The following COMMD1 variants were observed in gnomAD, a reference collection of about 807,000 sequenced individuals.
The protein encoded by COMMD1 is copper metabolism domain containing 1.
Under a neutral mutation model 17.2 loss-of-function variants are expected in COMMD1, and 10 were observed. The observed-to-expected ratio is 0.58, with a 90% confidence interval of 0.36 to 0.99. The LOEUF (loss-of-function observed/expected upper bound fraction) is 0.99, where lower values mean the gene tolerates loss of function less well. COMMD1 is among the 50% of genes least tolerant of loss of function. The probability of loss-of-function intolerance (pLI) is 0.01; values close to 1 mark genes in which losing one functional copy is unlikely to be tolerated. For missense variants in COMMD1, 270 were observed against 231.8 expected (o/e 1.17, Z -1.07); for synonymous variants, 97 against 91.6 (o/e 1.06, Z -0.34).
intron 2 of COMMD1, among the ~76,000 whole-genome samples, chr2:62,024,853 C>G (rs1429794788): frequency 1.3e-5 from 2 of 152,126 alleles, no homozygotes; most frequent in Non-Finnish European, 2.9e-5. Flanking sequence ...TTACAAGAAG[C>G]AGTCATTAAT....
At chr2:62,059,800 A>G (rs558385288) in intron 2 of COMMD1, among the ~76,000 whole-genome samples, 1 of 152,266 alleles carries the variant, frequency 6.6e-6, no homozygotes, top group East Asian at 1.9e-4. Flanking sequence ...AAGTGCATCT[A>G]TTGTAGATAG....
chr2:62,088,240 C>A (rs1671724022), intron 2 of COMMD1, among the ~76,000 whole-genome samples: 2 of 152,158 alleles, frequency 1.3e-5, no homozygotes, highest in Non-Finnish European at 2.9e-5. Flanking sequence ...TGGACTTTCA[C>A]TTGAAAATCG....
At chr2:61,989,205 A>G (rs1056933120) in intron 1 of COMMD1, among the ~76,000 whole-genome samples, 1 of 152,136 alleles carries the variant, frequency 6.6e-6, no homozygotes, top group Non-Finnish European at 1.5e-5. Flanking sequence ...CTGTTTGGCC[A>G]TCTTGCTCTG....
upstream of COMMD1, among the ~76,000 whole-genome samples, chr2:61,900,886 A>G (rs987959822): frequency 5.3e-5 from 8 of 152,190 alleles, no homozygotes; most frequent in African/African-American, 1.9e-4. Flanking sequence ...TAGTAATATC[A>G]AAAAGTTTAA....
chr2:61,989,636 T>C (rs1259771664), intron 1 of COMMD1, among the ~76,000 whole-genome samples: 1 of 151,940 alleles, frequency 6.6e-6, no homozygotes, highest in Non-Finnish European at 1.5e-5. Context: ...ATTTTTTGTG[T>C]GTTTTTTTAA....
intron 1 of COMMD1, among the ~76,000 whole-genome samples, chr2:61,940,998 C>G (rs1405468334): frequency 6.7e-6 from 1 of 150,174 alleles, no homozygotes; most frequent in Admixed American, 6.7e-5. Context: ...GGGGTGAATT[C>G]TTTCGCTCCC....
chr2:62,027,777 G>A (rs1669805047), intron 2 of COMMD1, among the ~76,000 whole-genome samples: 1 of 151,954 alleles, frequency 6.6e-6, no homozygotes, highest in African/African-American at 2.4e-5. Flanking sequence ...TGGCTCAAGC[G>A]ATCCTCCCAC....
intron 2 of COMMD1, among the ~76,000 whole-genome samples, chr2:62,084,346 T>C (rs762082289): frequency 7.9e-5 from 12 of 152,228 alleles, no homozygotes; most frequent in Non-Finnish European, 1.6e-4. Context: ...TTTTATGTAT[T>C]ATGTATTATA....
At chr2:62,066,565 C>T (rs1433893112) in intron 2 of COMMD1, among the ~76,000 whole-genome samples, 1 of 150,894 alleles carries the variant, frequency 6.6e-6, no homozygotes, top group African/African-American at 2.4e-5. Context: ...CCATGCCTGG[C>T]TAATTTTTTG....
At chr2:62,067,932 G>A (rs1671099234) in intron 2 of COMMD1, among the ~76,000 whole-genome samples, 1 of 152,090 alleles carries the variant, frequency 6.6e-6, no homozygotes, top group Non-Finnish European at 1.5e-5. Context: ...TTGTTGATGG[G>A]ACTTTTACTA....
At chr2:62,006,125 C>T (rs1281366823) in intron 2 of COMMD1, among the ~76,000 whole-genome samples, 1 of 139,708 alleles carries the variant, frequency 7.2e-6, no homozygotes, top group Non-Finnish European at 1.5e-5. Context: ...TGTTCTCACT[C>T]ATAGGTGGGA....
chr2:62,062,302 C>T lies in COMMD1; in HGVS notation c.462+61320C>T, dbSNP rs369573399. On this transcript the variant is annotated intron_variant, in intron 2 of 2. Coordinates refer to ENST00000311832, the MANE Select transcript of COMMD1 (RefSeq NM_152516.4). ...AGTGCAGTGGCATGATCTCAGCTCA[C>T]TGCAACCTGCCACTCCCAGGTTCAA... 1.7e-3 allele frequency among the ~76,000 whole-genome samples: 258 copies of T among 151,976 alleles called. 2 individuals carry two copies. The highest frequency in any genetic ancestry group is 5.7e-3 in the African/African-American group (237 of 41,434).
chr2:61,934,057 G>A (rs972069837), intron 1 of COMMD1, among the ~76,000 whole-genome samples: 3 of 152,152 alleles, frequency 2.0e-5, no homozygotes, highest in East Asian at 3.8e-4. Context: ...GAGCCACTAC[G>A]CCCGGCCTTT....
At chr2:61,991,884 C>T (rs1345769251) in intron 1 of COMMD1, among the ~76,000 whole-genome samples, 2 of 152,016 alleles carry the variant, frequency 1.3e-5, no homozygotes, top group African/African-American at 4.8e-5. Flanking sequence ...CATATCCAGC[C>T]CAGTGTTTCT....
chr2:62,061,313 TATG>T (rs1670847774), intron 2 of COMMD1, among the ~76,000 whole-genome samples: 1 of 152,192 alleles, frequency 6.6e-6, no homozygotes, highest in Admixed American at 6.5e-5. Flanking sequence ...TGGATTCTGT[TATG>T]ATTCTCTGAG....
chr2:61,947,227 A>C (rs1007188177), intron 1 of COMMD1, among the ~76,000 whole-genome samples: 7 of 152,222 alleles, frequency 4.6e-5, no homozygotes, highest in Admixed American at 1.3e-4. Flanking sequence ...ATGTTTAGTA[A>C]CTGTTTCAGT....
At chr2:62,076,909 A>G (rs1573153857) in intron 2 of COMMD1, among the ~76,000 whole-genome samples, 1 of 152,174 alleles carries the variant, frequency 6.6e-6, no homozygotes, top group Non-Finnish European at 1.5e-5. Context: ...AGGCGGGAGG[A>G]TCATTTGAGC....
At chr2:62,078,842 A>AC (rs1671434123) in intron 2 of COMMD1, among the ~76,000 whole-genome samples, 1 of 151,106 alleles carries the variant, frequency 6.6e-6, no homozygotes, top group Non-Finnish European at 1.5e-5. Flanking sequence ...GCGCCACTGC[A>AC]CTCCAGCCTG....
chr2:62,007,302 A>C (rs1669149412), intron 2 of COMMD1, among the ~76,000 whole-genome samples: 1 of 152,078 alleles, frequency 6.6e-6, no homozygotes, highest in Non-Finnish European at 1.5e-5. Flanking sequence ...ATTTATAAGC[A>C]ATTAGATGAG....
Sources: allele counts gnomAD v4.1 joint callset (sites outside exome capture counted in the v4.1 genomes callset), GRCh38; gene constraint gnomAD v4.1.1; transcripts MANE v1.5; gene names NCBI Gene and HGNC (gene_info 2026-07-23, HGNC 2026-07-21).